The following GPR149 variants were observed in gnomAD, a reference collection of about 807,000 sequenced individuals.
GPR149 encodes the protein G protein-coupled receptor 149, also known as probable G protein-coupled receptor 149.
A neutral mutation model predicts 50.2 loss-of-function variants in GPR149; 50 were observed. The ratio of observed to expected loss-of-function variants is 1.00; its 90% CI spans 0.79 to 1.26. The LOEUF is 1.26. GPR149 is among the 50% of genes most tolerant of loss of function. The pLI, the probability that GPR149 is intolerant of heterozygous loss-of-function variation, is 0.00. For missense variants in GPR149, 983 were observed against 895.4 expected, an observed-to-expected ratio of 1.10 and a Z score of -1.25; for synonymous variants, 405 against 358.2, an observed-to-expected ratio of 1.13 and a Z score of -1.48.
chr3:154,401,074 T>G (rs894722039), intron 3 of GPR149, among the ~76,000 whole-genome samples: 3 of 152,230 alleles, frequency 2.0e-5, no homozygotes, highest in Non-Finnish European at 4.4e-5. Flanking sequence ...TGTTTCAAAT[T>G]TTATCTTTAT....
Position 154,428,694 on chromosome 3 carries a change from G to GCGCTA in GPR149, c.917_921dup (p.Gln308Ter), listed in dbSNP as rs1218503922. On this transcript the variant is annotated stop_gained and frameshift_variant, in exon 1 of 4. Coordinates refer to ENST00000389740, the MANE Select transcript of GPR149 (RefSeq NM_001038705.3). LOFTEE classifies it high-confidence loss of function. The stretch of plus-strand genomic sequence containing the variant: ...GCTAGGATCAAAGCGAAGCGCTTCT[G>GCGCTA]CGCTACGCTCACGGTGAAGCTCCTG... The GCGCTA allele has an allele frequency of 5.0e-6, 8 of 1,614,160 alleles. No individual in the cohort carries two copies. The highest frequency in any genetic ancestry group is 6.8e-6 in the Non-Finnish European group (8 of 1,180,040).
At chr3:154,365,117 C>A (rs1714499816) in intron 3 of GPR149, among the ~76,000 whole-genome samples, 1 of 152,194 alleles carries the variant, frequency 6.6e-6, no homozygotes, top group African/African-American at 2.4e-5. Flanking sequence ...GTGGAGGTAG[C>A]AATACCTCCA....
chr3:154,342,087 T>C (rs1713811743), intron 3 of GPR149, among the ~76,000 whole-genome samples: 1 of 152,188 alleles, frequency 6.6e-6, no homozygotes, highest in South Asian at 2.1e-4. Context: ...TCTTTTAAAG[T>C]GCTGAGTGAA....
rs114904238 is a variant in GPR149, at chr3:154,396,996, C to T, written c.1623+24043G>A. 9.3e-3 allele frequency among the ~76,000 whole-genome samples: 1,417 copies of T among 151,948 alleles called. 12 individuals carry two copies. Among genetic ancestry groups the T allele is most frequent in the African/African-American group, 0.033 (1,349 of 41,430 alleles). ...CTTGAGTTTAAAATGTATAATAATG[C>T]CAGCCTTGTAACTTGGGTGTTTGAG... is the stretch of plus-strand genomic sequence containing the variant. On this transcript the variant is annotated intron_variant, in intron 3 of 3. Coordinates refer to ENST00000389740, the MANE Select transcript of GPR149 (RefSeq NM_001038705.3).
chr3:154,388,689 C>G (rs1233442948), intron 3 of GPR149, among the ~76,000 whole-genome samples: 2 of 152,132 alleles, frequency 1.3e-5, no homozygotes, highest in East Asian at 3.8e-4. Context: ...TTCCCTAACT[C>G]TATTCCACCT....
chr3:154,393,708 A>C (rs1479155449), intron 3 of GPR149, among the ~76,000 whole-genome samples: 2 of 152,004 alleles, frequency 1.3e-5, no homozygotes, highest in Non-Finnish European at 2.9e-5. Flanking sequence ...ATAATTAATA[A>C]ATGACTCAGT....
rs182985130 is a variant in GPR149, at chr3:154,427,202, T to C, written c.1174+314A>G. ...TTCTATTCTGGACTAAGAACTATGGTGAATGTATCATCTAAGTGCCTTTGT... is the reference window on the plus strand; with the variant it reads ...TTCTATTCTGGACTAAGAACTATGGCGAATGTATCATCTAAGTGCCTTTGT... On this transcript the variant is annotated intron_variant, in intron 2 of 3. Transcript: ENST00000389740. 2.0e-5 allele frequency among the ~76,000 whole-genome samples: 3 copies of C among 152,200 alleles called. No homozygotes were observed. The East Asian group carries it at 5.8e-4, about 29-fold the overall frequency.
chr3:154,354,554 T>A (rs1179167709), intron 3 of GPR149, among the ~76,000 whole-genome samples: 1 of 151,598 alleles, frequency 6.6e-6, no homozygotes, highest in Non-Finnish European at 1.5e-5. Flanking sequence ...TGTTTCAGGA[T>A]TTTTTTTTCC....
rs1193776057 is a variant in GPR149, at chr3:154,427,658, C to T, written c.1032G>A (p.Glu344=). The T allele has an allele frequency of 1.9e-6, 3 of 1,614,012 alleles. No individual in the cohort carries two copies. Among genetic ancestry groups the T allele is most frequent in the Non-Finnish European group, 2.5e-6 (3 of 1,179,980 alleles). The change falls in exon 2 of 4, where the codon GAG becomes GAA. Residue 344 remains glutamate, a synonymous_variant. Transcript: ENST00000389740. ...GCAGGGTAAGTAGAAAGCTGAATGTCTCCAAGGGAAGGCTCTGAAACCCCA... is the reference window on the plus strand; with the variant it reads ...GCAGGGTAAGTAGAAAGCTGAATGTTTCCAAGGGAAGGCTCTGAAACCCCA... The part of the protein sequence containing the change: ...NVVGFQSLPL[E]TFSFLLTLLA...
chr3:154,420,580 T>C (rs1712112701), intron 3 of GPR149, among the ~76,000 whole-genome samples: 1 of 151,994 alleles, frequency 6.6e-6, no homozygotes, highest in African/African-American at 2.4e-5. Context: ...GCAAGCTGCC[T>C]AATATACTTT....
intron 3 of GPR149, chr3:154,354,754 G>C: frequency 2.8e-6 from 2 of 725,572 alleles, no homozygotes; most frequent in Non-Finnish European, 4.1e-6. Flanking sequence ...CTCCTCCAAG[G>C]GTGTTTTCAG....
At chr3:154,425,350 CA>C (rs142157080) in intron 2 of GPR149, among the ~76,000 whole-genome samples, 2,950 of 152,044 alleles carry the variant, frequency 0.019, 101 homozygotes, top group African/African-American at 0.068. Flanking sequence ...TTGTTATGGA[CA>C]AAAAGTTTAA....
At chr3:154,423,014 G>A (rs1284612116) in intron 2 of GPR149, among the ~76,000 whole-genome samples, 1 of 151,550 alleles carries the variant, frequency 6.6e-6, no homozygotes, top group Non-Finnish European at 1.5e-5. Flanking sequence ...TAAAATTGAT[G>A]TCTATGACTA....
At chr3:154,364,641 G>C (rs1714488704) in intron 3 of GPR149, among the ~76,000 whole-genome samples, 1 of 152,182 alleles carries the variant, frequency 6.6e-6, no homozygotes, top group African/African-American at 2.4e-5. Flanking sequence ...TTTCAAGTAA[G>C]TCCAAAACCT....
chr3:154,414,839 A>C (rs768273239), intron 3 of GPR149, among the ~76,000 whole-genome samples: 1 of 151,978 alleles, frequency 6.6e-6, no homozygotes, highest in Non-Finnish European at 1.5e-5. Context: ...GAAACAAAGA[A>C]AGACTGAGAA....
At chr3:154,403,834 C>A (rs953618692) in intron 3 of GPR149, among the ~76,000 whole-genome samples, 1 of 151,992 alleles carries the variant, frequency 6.6e-6, no homozygotes, top group Admixed American at 6.6e-5. Flanking sequence ...TTAGGTGGCA[C>A]TATCCAATAG....
Position 154,360,836 on chromosome 3 carries a change from A to G in GPR149, c.1624-22565T>C, listed in dbSNP as rs1714361972. Among the ~76,000 whole-genome samples the G allele has an allele frequency of 3.9e-5, 6 of 152,126 alleles. 1 individual carries two copies. The South Asian group carries it at 1.2e-3, about 32-fold the overall frequency. ...CTTGGTAGTTTTCTGTACTGCTTGA[A>G]TTTTACAAATAATGAGCATAAGCTA... On this transcript the variant is annotated intron_variant, in intron 3 of 3. Transcript: ENST00000389740.
rs1330262598 is a variant in GPR149, at chr3:154,335,041, T to C, written c.*2658A>G. ...TGTCAGTCACAACTCTCAGAAGTCT[T>C]AGGGATTATATATTAGGTGTTTATA... On this transcript the variant is annotated 3_prime_UTR_variant, in exon 4 of 4. Coordinates refer to ENST00000389740, the MANE Select transcript of GPR149 (RefSeq NM_001038705.3). 2 of 152,078 alleles carry C rather than the reference T, an allele frequency of 1.3e-5. No homozygotes were observed. The highest frequency in any genetic ancestry group is 4.8e-5 in the African/African-American group (2 of 41,422). 9.4% of individuals were successfully genotyped at this position (152,078 alleles called of 1,614,324 possible).
At chr3:154,341,528 C>T (rs1052375967) in intron 3 of GPR149, among the ~76,000 whole-genome samples, 1 of 150,790 alleles carries the variant, frequency 6.6e-6, no homozygotes, top group African/African-American at 2.4e-5. Context: ...TCCAAAATAG[C>T]AACAATACTA....
Sources: allele counts gnomAD v4.1 joint callset (sites outside exome capture counted in the v4.1 genomes callset), GRCh38; gene constraint gnomAD v4.1.1; transcripts MANE v1.5; gene names NCBI Gene and HGNC (gene_info 2026-07-23, HGNC 2026-07-21).